HMBOX1: variants seen among roughly 807,000 people sequenced by gnomAD.
HMBOX1 encodes homeobox-containing protein 1.
Under a neutral mutation model 54.5 loss-of-function variants are expected in HMBOX1, and 14 were observed. The observed-to-expected ratio is 0.26, with a 90% CI of 0.17 to 0.40. The LOEUF (loss-of-function observed/expected upper bound fraction) is 0.40. Ranked by LOEUF, HMBOX1 falls within the 10% of genes least tolerant of loss-of-function variation. The pLI, the probability that HMBOX1 is intolerant of heterozygous loss-of-function variation, is 1.00. For synonymous variants in HMBOX1, 160 were observed against 181.0 expected, an observed-to-expected ratio of 0.88 and a Z score of 0.93; for missense variants, 332 against 514.4, an observed-to-expected ratio of 0.65 and a Z score of 3.43.
rs551245793 is a variant in HMBOX1 at position 28,952,346 on chromosome 8, G to C, written c.-57-11465G>C. Among the ~76,000 whole-genome samples the C allele has an allele frequency of 5.3e-5, 8 of 152,100 alleles. No homozygotes were observed. In the East Asian group the frequency reaches 1.5e-3, roughly 29 times the overall value. ...CCTCCTGGGTTCAAGCGATCCTCCTGCCTCAGCCTCCCGAGTAGCTGGGAT... is the reference window on the plus strand; with the variant it reads ...CCTCCTGGGTTCAAGCGATCCTCCTCCCTCAGCCTCCCGAGTAGCTGGGAT... On this transcript the variant is annotated intron_variant, in intron 1 of 9. Coordinates refer to ENST00000287701, the MANE Select transcript of HMBOX1 (RefSeq NM_001135726.3).
At chr8:29,046,988 AT>A (rs1262935426) in intron 7 of HMBOX1, among the ~76,000 whole-genome samples, 3 of 152,236 alleles carry the variant, frequency 2.0e-5, no homozygotes, top group Non-Finnish European at 4.4e-5. Flanking sequence ...TCTCAAAAAA[AT>A]AAAAAAAGAA....
In HMBOX1 at chr8:29,053,100, C is replaced by T. The variant is rs117839212; in HGVS notation, c.*1945C>T. On this transcript the variant is annotated 3_prime_UTR_variant, in exon 10 of 10. Transcript: ENST00000287701. Reference sequence around the variant, plus strand: ...CACGCTGACTGCATCATTTCCTTATCTGTTAATCCTGCTTATGTGAGTGTG... The same window carrying T: ...CACGCTGACTGCATCATTTCCTTATTTGTTAATCCTGCTTATGTGAGTGTG... 12 of 152,674 alleles carry T rather than the reference C, an allele frequency of 7.9e-5. No homozygotes were observed. In the East Asian group the frequency reaches 2.3e-3, roughly 29 times the overall value. The allele number at this position is 152,674 out of a possible 1,614,324, so 9.5% of individuals were successfully genotyped here.
At chr8:28,913,990 C>G (rs1484898645) in intron 1 of HMBOX1, among the ~76,000 whole-genome samples, 1 of 151,926 alleles carries the variant, frequency 6.6e-6, no homozygotes, top group Non-Finnish European at 1.5e-5. Context: ...TCTGCCCCAG[C>G]CTCCCAAGTA....
chr8:29,044,490 T>G (rs1056253848), intron 6 of HMBOX1, among the ~76,000 whole-genome samples: 2 of 152,052 alleles, frequency 1.3e-5, no homozygotes, highest in Non-Finnish European at 2.9e-5. Flanking sequence ...CTATCGTACT[T>G]TAAAAAGTGC....
In HMBOX1 at chr8:28,908,157, A is replaced by G. The variant is rs76157944; in HGVS notation, c.-58+17479A>G. On this transcript the variant is annotated intron_variant, in intron 1 of 9. Transcript: ENST00000287701. ...CATAAGCCACTGTGCCCAGCCTAAA[A>G]TATACTGATTTATATATTATGTTTT... Among the ~76,000 whole-genome samples, 872 of 152,240 alleles carry G rather than the reference A, an allele frequency of 5.7e-3. 4 individuals carry two copies. The highest frequency in any genetic ancestry group is 0.02 in the African/African-American group (847 of 41,558).
intron 4 of HMBOX1, among the ~76,000 whole-genome samples, chr8:29,004,301 T>A (rs1210073805): frequency 1.3e-5 from 2 of 152,196 alleles, no homozygotes; most frequent in Non-Finnish European, 2.9e-5. Context: ...TTCTGAGGGT[T>A]ACTAACATGT....
chr8:28,948,955 C>T (rs915465732), intron 1 of HMBOX1, among the ~76,000 whole-genome samples: 2 of 152,188 alleles, frequency 1.3e-5, no homozygotes, highest in Admixed American at 6.5e-5. Context: ...GTTTATTATA[C>T]TCTGCCTGCA....
rs573543500 is a variant in HMBOX1, at chr8:28,957,568, T to A, written c.-57-6243T>A. 6.0e-5 allele frequency among the ~76,000 whole-genome samples: 2 copies of A among 33,554 alleles called. 1 individual carries two copies. The highest frequency in any genetic ancestry group is 1.7e-3 in the South Asian group (2 of 1,180). 22.0% of individuals were successfully genotyped at this position (33,554 alleles called of 152,430 possible). ...TACCCCTTGAGTCTAAAATAAAAGT[T>A]GAAAAACAAAGCCTTTCTGCTCTAT... On this transcript the variant is annotated intron_variant, in intron 1 of 9. Coordinates refer to ENST00000287701, the MANE Select transcript of HMBOX1 (RefSeq NM_001135726.3).
At chr8:28,990,092 T>G (rs1266148806) in intron 4 of HMBOX1, among the ~76,000 whole-genome samples, 6 of 152,310 alleles carry the variant, frequency 3.9e-5, no homozygotes, top group African/African-American at 1.4e-4. Flanking sequence ...AAACATTTTT[T>G]TTGTTTAGGA....
At chr8:28,993,618 C>A (rs1223330210) in intron 4 of HMBOX1, among the ~76,000 whole-genome samples, 1 of 151,920 alleles carries the variant, frequency 6.6e-6, no homozygotes, top group Non-Finnish European at 1.5e-5. Context: ...TATTTTTGTT[C>A]CTTTTGGATT....
rs11356150 is a variant in HMBOX1 at position 29,051,898 on chromosome 8, TA to T, written c.*763del. ...AACAAAGACAAAAACCAAAAGTCAT[TA>T]AAAAAAAAAAAAAAAAAAACCCAGC... On this transcript the variant is annotated 3_prime_UTR_variant, in exon 10 of 10. Transcript: ENST00000287701. 0.35 allele frequency: 45,979 copies of T among 129,760 alleles called. 8,889 individuals carry two copies. Among genetic ancestry groups the T allele is most frequent in the Admixed American group, 0.44 (5,116 of 11,760 alleles). The allele number at this position is 129,760 out of a possible 1,614,324, so 8.0% of individuals were successfully genotyped here.
intron 8 of HMBOX1, among the ~76,000 whole-genome samples, chr8:29,048,029 C>G (rs555679806): frequency 5.9e-5 from 9 of 152,112 alleles, no homozygotes; most frequent in African/African-American, 9.6e-5. Context: ...AGACATGGCC[C>G]CTGAGCAATT....
chr8:29,047,331 T>TTG (rs1805717746), intron 7 of HMBOX1, 27 bp from the exon 8 acceptor site: 1 of 1,268,362 alleles, frequency 7.9e-7, no homozygotes, highest in African/African-American at 1.5e-5. Context: ...ATATAGATTA[T>TTG]CTGAATTTTA....
chr8:28,941,550 A>G (rs994528966), intron 1 of HMBOX1, among the ~76,000 whole-genome samples: 4 of 152,220 alleles, frequency 2.6e-5, no homozygotes, highest in Non-Finnish European at 5.9e-5. Context: ...ATTGCTTTCA[A>G]TGGCTTAGAA....
intron 4 of HMBOX1, among the ~76,000 whole-genome samples, chr8:29,006,412 G>A (rs1833462883): frequency 6.6e-6 from 1 of 152,130 alleles, no homozygotes; most frequent in African/African-American, 2.4e-5. Context: ...GCACATTTCT[G>A]TGGGATATAT....
chr8:29,047,292 C>T, intron 7 of HMBOX1, 66 bp from the exon 8 acceptor site: 2 of 947,660 alleles, frequency 2.1e-6, no homozygotes, highest in Non-Finnish European at 3.4e-6. Flanking sequence ...AATATTAGCC[C>T]TTAAAACTAG....
chr8:28,992,545 G>A (rs1831132056), intron 4 of HMBOX1, among the ~76,000 whole-genome samples: 1 of 152,036 alleles, frequency 6.6e-6, no homozygotes, highest in South Asian at 2.1e-4. Context: ...ATTTATTCAT[G>A]TGGTTCAAAC....
At chr8:28,952,160 A>C (rs1323773985) in intron 1 of HMBOX1, among the ~76,000 whole-genome samples, 1 of 145,112 alleles carries the variant, frequency 6.9e-6, no homozygotes, top group Non-Finnish European at 1.5e-5. Flanking sequence ...CCCTATCTTA[A>C]AAAAAAAAAA....
At chr8:28,957,533 C>T (rs931459413) in intron 1 of HMBOX1, among the ~76,000 whole-genome samples, 1 of 151,982 alleles carries the variant, frequency 6.6e-6, no homozygotes, top group Non-Finnish European at 1.5e-5. Context: ...TTGTAACAAA[C>T]CTGCACATGT....
Sources: gnomAD v4.1 joint callset for allele counts (sites outside exome capture counted in the v4.1 genomes callset) on GRCh38, gnomAD v4.1.1 for gene constraint, MANE v1.5 for transcripts, NCBI Gene and HGNC (gene_info 2026-07-23, HGNC 2026-07-21) for gene names.